CD8B: variants seen among roughly 807,000 people sequenced by gnomAD.
CD8B encodes the protein T-cell surface glycoprotein CD8 beta chain.
In CD8B, 6 loss-of-function variants were observed where a neutral mutation model predicts 24.2. That is an observed-to-expected ratio of 0.25 (90% CI 0.14 to 0.49). The LOEUF (loss-of-function observed/expected upper bound fraction) is 0.49, where lower values mean the gene tolerates loss of function less well. CD8B is among the 20% of genes least tolerant of loss of function. CD8B has a pLI of 0.98. For missense variants in CD8B, 196 were observed against 271.3 expected (o/e 0.72, Z 1.95); for synonymous variants, 84 against 108.3 (o/e 0.78, Z 1.39).
chr2:86,831,101 G>C (rs1356797173), intron 5 of CD8B, among the ~76,000 whole-genome samples: 2 of 152,072 alleles, frequency 1.3e-5, no homozygotes, highest in Non-Finnish European at 2.9e-5. Context: ...ACGGAGTCTT[G>C]CTGTGTTGTC....
chr2:86,822,920 C>A (rs899489252), intron 5 of CD8B, among the ~76,000 whole-genome samples: 8 of 152,166 alleles, frequency 5.3e-5, no homozygotes, highest in African/African-American at 1.9e-4. Flanking sequence ...GTGTTTATAT[C>A]TTTCTCTACA....
chr2:86,848,919 G>A (rs1675832305), intron 3 of CD8B, among the ~76,000 whole-genome samples: 1 of 152,118 alleles, frequency 6.6e-6, no homozygotes, highest in Non-Finnish European at 1.5e-5. Flanking sequence ...TTTTCACCAT[G>A]TTGGCCAGGC....
chr2:86,849,102 C>T (rs1330324214), intron 3 of CD8B, among the ~76,000 whole-genome samples: 2 of 148,708 alleles, frequency 1.3e-5, no homozygotes. Flanking sequence ...CCAAGGTCAC[C>T]CAGCTACTAA....
intron 3 of CD8B, among the ~76,000 whole-genome samples, 154 bp from the exon 4 acceptor site, chr2:86,846,927 ATTTTTTTTTTTTT>A (rs60980294): frequency 1.9e-4 from 11 of 58,858 alleles, no homozygotes; most frequent in African/African-American, 3.8e-4. Context: ...TTCCTCAAGT[ATTTTTTTTTTTTT>A]TTTTTTTTTT....
chr2:86,834,193 A>T (rs188390407), downstream of CD8B, among the ~76,000 whole-genome samples: 2 of 152,240 alleles, frequency 1.3e-5, no homozygotes, highest in East Asian at 3.9e-4. Flanking sequence ...AAACACTACT[A>T]GATGGTGCCC....
At chr2:86,830,934 G>A (rs1282937279) in intron 5 of CD8B, among the ~76,000 whole-genome samples, 1 of 151,688 alleles carries the variant, frequency 6.6e-6, no homozygotes, top group Non-Finnish European at 1.5e-5. Flanking sequence ...TAAATTTCTG[G>A]TTTCTGTCCT....
intron 1 of CD8B, among the ~76,000 whole-genome samples, chr2:86,860,545 C>A (rs1420587602): frequency 3.3e-5 from 5 of 152,162 alleles, no homozygotes; most frequent in Admixed American, 6.5e-5. Context: ...TGTTTTGCAC[C>A]TACTTTACCC....
At chr2:86,851,004 T>C (rs1455672872) in intron 3 of CD8B, among the ~76,000 whole-genome samples, 1 of 149,654 alleles carries the variant, frequency 6.7e-6, no homozygotes, top group Non-Finnish European at 1.5e-5. Context: ...GGCAGGAGAA[T>C]CACTTGAACC....
chr2:86,821,102 G>A (rs1371254240), intron 5 of CD8B, among the ~76,000 whole-genome samples: 1 of 149,448 alleles, frequency 6.7e-6, no homozygotes, highest in Non-Finnish European at 1.5e-5. Context: ...GAATATAGGT[G>A]CTCTTTTTAT....
intron 3 of CD8B, among the ~76,000 whole-genome samples, chr2:86,849,627 T>G (rs1341746718): frequency 6.6e-6 from 1 of 152,048 alleles, no homozygotes; most frequent in African/African-American, 2.4e-5. Context: ...ACTTGGTAAA[T>G]TTACCCAAAA....
intron 5 of CD8B, among the ~76,000 whole-genome samples, chr2:86,826,052 G>A (rs542336997): frequency 6.6e-6 from 1 of 152,274 alleles, no homozygotes; most frequent in South Asian, 2.1e-4. Context: ...AGGCTCAGGT[G>A]CCCGTGTTTG....
At chr2:86,845,182 A>C (rs1675617795) in intron 4 of CD8B, among the ~76,000 whole-genome samples, 2 of 152,202 alleles carry the variant, frequency 1.3e-5, no homozygotes, top group African/African-American at 2.4e-5. Context: ...TGGGAAACTG[A>C]GACACAGAGT....
In CD8B at chr2:86,845,870, G is replaced by A. The variant is rs561051190; in HGVS notation, c.583+814C>T. On this transcript the variant is annotated intron_variant, in intron 4 of 5. Coordinates refer to ENST00000390655, the MANE Select transcript of CD8B (RefSeq NM_004931.5). ...AGTATGCTCCTGGGTGCATTTCTGT[G>A]GGGAGAGGTCCGTTATTTTCATCGT... 5.3e-5 allele frequency among the ~76,000 whole-genome samples: 8 copies of A among 152,316 alleles called. No homozygotes were observed. In the South Asian group the frequency reaches 1.7e-3, roughly 32 times the overall value.
intron 5 of CD8B, chr2:86,815,835 A>G (rs974330078): frequency 1.4e-6 from 1 of 700,808 alleles, no homozygotes. Flanking sequence ...GTTGTGTCAA[A>G]TTCAACACAG....
At chr2:86,829,999 A>G (rs142778028) in intron 5 of CD8B, among the ~76,000 whole-genome samples, 10 of 152,184 alleles carry the variant, frequency 6.6e-5, no homozygotes, top group African/African-American at 2.2e-4. Flanking sequence ...CATTATTTTA[A>G]TGTCATTTAT....
intron 3 of CD8B, among the ~76,000 whole-genome samples, chr2:86,852,383 T>C (rs1373164251): frequency 6.6e-6 from 1 of 152,158 alleles, no homozygotes; most frequent in Non-Finnish European, 1.5e-5. Context: ...AATGTCATGG[T>C]TTTTAGTGTA....
chr2:86,852,337 T>C (rs1475564175), intron 3 of CD8B, among the ~76,000 whole-genome samples: 1 of 152,258 alleles, frequency 6.6e-6, no homozygotes, highest in African/African-American at 2.4e-5. Context: ...TATTGAGTTA[T>C]AATTTACGTA....
intron 5 of CD8B, chr2:86,822,385 T>C (rs781036151): frequency 6.5e-7 from 1 of 1,543,076 alleles, no homozygotes; most frequent in South Asian, 1.1e-5. Context: ...CTTGGCACAA[T>C]AGAGTATGAA....
Position 86,822,274 on chromosome 2 carries a change from A to G in CD8B, c.621-6556T>C. Reference sequence around the variant, plus strand: ...ATGATATCTGTTTCAGGTAAGAGTCATGATGACCTCAGAAAGCAATATCAG... The same window carrying G: ...ATGATATCTGTTTCAGGTAAGAGTCGTGATGACCTCAGAAAGCAATATCAG... On this transcript the variant is annotated intron_variant, in intron 5 of 5. Transcript: ENST00000331469. 3.6e-6 allele frequency: 4 copies of G among 1,105,798 alleles called. No homozygotes were observed. The South Asian group carries it at 5.5e-5, about 15-fold the overall frequency. 68.5% of individuals were successfully genotyped at this position (1,105,798 alleles called of 1,614,324 possible). A position where few individuals can be genotyped will look rare whatever the true frequency, so the allele number is the denominator to read the frequency against.
Sources: gnomAD v4.1 joint callset for allele counts (sites outside exome capture counted in the v4.1 genomes callset) on GRCh38, gnomAD v4.1.1 for gene constraint, MANE v1.5 for transcripts, NCBI Gene and HGNC (gene_info 2026-07-23, HGNC 2026-07-21) for gene names.